The following RERE variants were observed in gnomAD, a reference collection of about 807,000 sequenced individuals.
The protein encoded by RERE is arginine-glutamic acid dipeptide repeats.
Under a neutral mutation model 146.1 loss-of-function variants are expected in RERE, and 40 were observed. The observed-to-expected ratio is 0.27, with a 90% CI of 0.21 to 0.36. The LOEUF (loss-of-function observed/expected upper bound fraction) is 0.36, where lower values mean the gene tolerates loss of function less well. RERE is among the 10% of genes least tolerant of loss of function. The pLI is 1.00. For missense variants in RERE, 1,933 were observed against 2,138.7 expected (o/e 0.90, Z 1.90); for synonymous variants, 1,003 against 866.0 (o/e 1.16, Z -2.78).
At chr1:8,661,833 T>C (rs1638463198) in intron 1 of RERE, among the ~76,000 whole-genome samples, 1 of 152,068 alleles carries the variant, frequency 6.6e-6, no homozygotes, top group African/African-American at 2.4e-5. Context: ...GAGATAATAA[T>C]TTAGTTTTTA....
intron 7 of RERE, chr1:8,526,122 G>A (rs1349813050): frequency 2.9e-6 from 3 of 1,027,160 alleles, no homozygotes; most frequent in African/African-American, 1.7e-5. Flanking sequence ...GTGCAGGGAA[G>A]TGGGGCCTTA....
chr1:8,360,237 G>A lies in RERE; in HGVS notation c.3270C>T (p.Thr1090=), dbSNP rs746781300. The change falls in exon 18 of 23, where the codon ACC becomes ACT. Residue 1090 remains threonine (T), a synonymous_variant. Coordinates refer to ENST00000400908, the MANE Select transcript of RERE (RefSeq NM_001042681.2). ...IAGGSSCPLP[T]VQIKEEALDD... is the part of the protein sequence containing the mutation. ...CCAGAGCCTCCTCCTTGATCTGGAC[G>A]GTGGGGAGTGGGCAGGACGACCCCC... 3.7e-5 allele frequency: 59 copies of A among 1,582,862 alleles called. No homozygotes were observed. The highest frequency in any genetic ancestry group is 1.4e-4 in the Admixed American group (8 of 56,494).
chr1:8,466,030 C>T lies in RERE; in HGVS notation c.1105-7G>A. The T allele has an allele frequency of 1.2e-6, 2 of 1,604,576 alleles. No individual in the cohort carries two copies. Among genetic ancestry groups the T allele is most frequent in the Non-Finnish European group, 1.7e-6 (2 of 1,172,784 alleles). ...CGTAACCGCTTTCATGCAGCTAAAA[C>T]AACAACAATTATAGTTAGCTAACTG... On this transcript the variant is annotated splice_polypyrimidine_tract_variant and splice_region_variant and intron_variant, in intron 10 of 22. Transcript: ENST00000400908.
Position 8,360,266 on chromosome 1 carries a change from CT to C in RERE, c.3240del (p.Ile1080MetfsTer177). On this transcript the variant is annotated frameshift_variant, in exon 18 of 23. Transcript: ENST00000400908. LOFTEE classifies it high-confidence loss of function. The part of the protein sequence containing the change: ...CSGAAASGGS[I>X]AGGSSCPLPT... ...GGGAGTGGGCAGGACGACCCCCCCG[CT>C]ATGCTGCCTCCTGAAGCCGCCGCAC... 1 of 1,571,394 alleles carries C rather than the reference CT, an allele frequency of 6.4e-7. No individual in the cohort carries two copies. Among genetic ancestry groups the C allele is most frequent in the Non-Finnish European group, 8.6e-7 (1 of 1,159,620 alleles).
At chr1:8,533,814 C>T (rs1265054268) in intron 7 of RERE, among the ~76,000 whole-genome samples, 1 of 152,242 alleles carries the variant, frequency 6.6e-6, no homozygotes, top group Non-Finnish European at 1.5e-5. Context: ...CTCCAGGTAA[C>T]ATTCCTAGAT....
At chr1:8,720,481 G>C (rs919315286) in intron 1 of RERE, among the ~76,000 whole-genome samples, 3 of 152,064 alleles carry the variant, frequency 2.0e-5, no homozygotes, top group African/African-American at 7.2e-5. Context: ...GCAGAGGGTA[G>C]GTACCAGCTG....
Position 8,488,155 on chromosome 1 carries a change from A to T in RERE, c.1104+6908T>A, listed in dbSNP as rs146099824. ...AAATATCGTATTTATGGATTAGAAG[A>T]TCCAATATTGTTAGGATGTCAGTAT... On this transcript the variant is annotated intron_variant, in intron 10 of 22. Transcript: ENST00000400908. Among the ~76,000 whole-genome samples, 1,335 of 152,158 alleles carry T rather than the reference A, an allele frequency of 8.8e-3. 8 individuals are homozygous for T. The highest frequency in any genetic ancestry group is 0.014 in the Non-Finnish European group (944 of 68,004).
chr1:8,605,968 A>C (rs1646703656), intron 4 of RERE, among the ~76,000 whole-genome samples: 1 of 150,126 alleles, frequency 6.7e-6, no homozygotes, highest in African/African-American at 2.5e-5. Context: ...CCTCAGCCCT[A>C]AAAGTAGCAG....
At chr1:8,605,745 C>CAAAAAAAAAAAAAAAAAAAAAAAAAAAA (rs564574812) in intron 4 of RERE, among the ~76,000 whole-genome samples, 1 of 64,518 alleles carries the variant, frequency 1.5e-5, no homozygotes, top group African/African-American at 6.1e-5. Flanking sequence ...ACCCCATCTC[C>CAAAAAAAAAAAAAAAAAAAAAAAAAAAA]AAAAAAAAAA....
rs575814810 is a variant in RERE, at chr1:8,792,632, C to T, written c.-145+24528G>A. 5.9e-5 allele frequency: 9 copies of T among 152,338 alleles called. No individual in the cohort carries two copies. In the South Asian group the frequency reaches 1.9e-3, roughly 32 times the overall value. The allele number at this position is 152,338 out of a possible 1,614,324, so 9.4% of individuals were successfully genotyped here. ...CTATCACTGTGACTAAATGAAACAA[C>T]TTCAAAAATGCAGCTCTGCCAACTA... On this transcript the variant is annotated intron_variant, in intron 1 of 22. Transcript: ENST00000400908.
intron 7 of RERE, among the ~76,000 whole-genome samples, chr1:8,534,490 C>G (rs367742477): frequency 3.3e-5 from 5 of 152,086 alleles, no homozygotes; most frequent in African/African-American, 1.2e-4. Flanking sequence ...TACAAACACA[C>G]GCACTCCCTA....
intron 7 of RERE, chr1:8,513,157 AC>A (rs1260575082): frequency 6.6e-6 from 1 of 152,240 alleles, no homozygotes; most frequent in Non-Finnish European, 1.5e-5. Context: ...AAAGCTTATT[AC>A]AAAAAATAAA....
chr1:8,514,048 T>C (rs1201742532), intron 7 of RERE, among the ~76,000 whole-genome samples: 2 of 152,232 alleles, frequency 1.3e-5, no homozygotes, highest in Admixed American at 6.5e-5. Context: ...TTAAAAATCA[T>C]ATTAATATCA....
At chr1:8,718,450 T>C (rs1639801687) in intron 1 of RERE, among the ~76,000 whole-genome samples, 1 of 152,212 alleles carries the variant, frequency 6.6e-6, no homozygotes, top group Non-Finnish European at 1.5e-5. Flanking sequence ...TTCTATTTCA[T>C]GAGAAAAGAG....
In RERE at chr1:8,367,629, C is replaced by A. The variant is rs186472172; in HGVS notation, c.1285-1655G>T. Reference sequence around the variant, plus strand: ...GGACAAGCACACTCATGTCCCTACACGTATGTGCATGTGCCCACCCCTCGG... The same window carrying A: ...GGACAAGCACACTCATGTCCCTACAAGTATGTGCATGTGCCCACCCCTCGG... On this transcript the variant is annotated intron_variant, in intron 12 of 22. Transcript: ENST00000400908. Among the ~76,000 whole-genome samples, 340 of 152,334 alleles carry A rather than the reference C, an allele frequency of 2.2e-3. 1 individual carries two copies. Among genetic ancestry groups the A allele is most frequent in the Non-Finnish European group, 3.4e-3 (233 of 68,026 alleles).
chr1:8,547,817 C>A (rs540366297), intron 6 of RERE, among the ~76,000 whole-genome samples: 5 of 152,234 alleles, frequency 3.3e-5, no homozygotes, highest in Non-Finnish European at 5.9e-5. Flanking sequence ...TGTAACAAAC[C>A]GCATAGGCAT....
chr1:8,780,329 A>G (rs762458086), intron 1 of RERE, among the ~76,000 whole-genome samples: 4 of 152,194 alleles, frequency 2.6e-5, no homozygotes, highest in Admixed American at 1.3e-4. Flanking sequence ...CTCAGAAAGC[A>G]AAGACTAACA....
chr1:8,770,315 AT>A (rs954436896), intron 1 of RERE, among the ~76,000 whole-genome samples: 40 of 152,008 alleles, frequency 2.6e-4, no homozygotes, highest in African/African-American at 8.7e-4. Flanking sequence ...TTAAAAAAAA[AT>A]TTTTTTTTAA....
In RERE at chr1:8,592,551, C is replaced by A. The variant is rs551350086; in HGVS notation, c.522+22010G>T. Among the ~76,000 whole-genome samples the A allele has an allele frequency of 2.7e-3, 405 of 152,018 alleles. 2 individuals carry two copies. The highest frequency in any genetic ancestry group is 9.3e-3 in the African/African-American group (385 of 41,528). On this transcript the variant is annotated intron_variant, in intron 4 of 22. Transcript: ENST00000400908. ...CCTCCCAAAGTGCTGGGATTACAGG[C>A]ATGAGCCACTGCATCCAGCCTAAAA...
Sources: allele counts gnomAD v4.1 joint callset (sites outside exome capture counted in the v4.1 genomes callset), GRCh38; gene constraint gnomAD v4.1.1; transcripts MANE v1.5; gene names NCBI Gene and HGNC (gene_info 2026-07-23, HGNC 2026-07-21).